MYLK: variants seen among roughly 807,000 people sequenced by gnomAD.
The protein encoded by MYLK is myosin light chain kinase, smooth muscle.
Under a neutral mutation model 203.4 loss-of-function variants are expected in MYLK, and 106 were observed. That is an observed-to-expected ratio of 0.52 (90% CI 0.45 to 0.61). The LOEUF (loss-of-function observed/expected upper bound fraction) is 0.61. Among genes scored for constraint, MYLK ranks in the 20% least tolerant of loss-of-function variants. The probability of loss-of-function intolerance (pLI) is 0.00; values close to 1 mark genes in which losing one functional copy is unlikely to be tolerated. For missense variants in MYLK, 2,072 were observed against 2,442.3 expected (o/e 0.85, Z 3.20); for synonymous variants, 867 against 959.5 (o/e 0.90, Z 1.78).
rs766866941 is a variant in MYLK, at chr3:123,664,234, C to T, written c.3856G>A (p.Val1286Met). Residue 1286 changes from valine (V) to methionine (M), a missense_variant, in exon 23 of 34, where the codon GTG becomes ATG. Around this residue, in one of 3 missense-constraint regions of MYLK, gnomAD observed 865 missense variants for 1,016.0 expected, o/e 0.85. Coordinates refer to ENST00000360304, the MANE Select transcript of MYLK (RefSeq NM_053025.4). ...KQIQESEHMK[V>M]ENSENGSKLT... ...TTGCTGCCATTCTCGCTGTTCTCCACCTTCATGTGCTCGCTTTCCTGGATC... is the reference window on the plus strand; with the variant it reads ...TTGCTGCCATTCTCGCTGTTCTCCATCTTCATGTGCTCGCTTTCCTGGATC... The T allele has an allele frequency of 2.5e-6, 4 of 1,614,080 alleles. No homozygotes were observed. The highest frequency in any genetic ancestry group is 2.7e-5 in the African/African-American group (2 of 74,922).
chr3:123,872,275 C>T (rs1480196934), intron 2 of MYLK, among the ~76,000 whole-genome samples: 2 of 152,136 alleles, frequency 1.3e-5, no homozygotes, highest in African/African-American at 2.4e-5. Flanking sequence ...TGTTATCTGG[C>T]TATTATGACC....
intron 18 of MYLK, among the ~76,000 whole-genome samples, chr3:123,699,184 G>C (rs2061064724): frequency 6.6e-6 from 1 of 151,956 alleles, no homozygotes; most frequent in Non-Finnish European, 1.5e-5. Context: ...CTCCCACCCA[G>C]ACTTGGGATT....
chr3:123,717,450 T>C (rs374834006), intron 13 of MYLK, among the ~76,000 whole-genome samples: 2 of 152,240 alleles, frequency 1.3e-5, no homozygotes, highest in African/African-American at 4.8e-5. Flanking sequence ...ACCCACATTT[T>C]ATGTCCTTAG....
In MYLK at chr3:123,649,177, C is replaced by G. The variant is rs778398628; in HGVS notation, c.4306G>C (p.Glu1436Gln). 6 of 1,613,002 alleles carry G rather than the reference C, an allele frequency of 3.7e-6. No individual in the cohort carries two copies. Among genetic ancestry groups the G allele is most frequent in the Non-Finnish European group, 5.1e-6 (6 of 1,179,984 alleles). ...CTGCACTCACCATCATCTGACACCT[C>G]CACTTCATCCTTCGGCTCTGGGGGG... The part of the protein sequence containing the change: ...EKPEEPKDEV[E>Q]VSDDDEKEPE... Residue 1436 changes from glutamate to glutamine, a missense_variant, in exon 25 of 34, where the codon GAG (glutamate) becomes CAG (glutamine). Physicochemically the swap from Glu to Gln is conservative, Grantham distance 29. Around this residue, in one of 3 missense-constraint regions of MYLK, gnomAD observed 524 missense variants for 782.4 expected, o/e 0.67. Coordinates refer to ENST00000360304, the MANE Select transcript of MYLK (RefSeq NM_053025.4).
chr3:123,726,333 A>G (rs1446998860), intron 11 of MYLK, among the ~76,000 whole-genome samples: 1 of 152,038 alleles, frequency 6.6e-6, no homozygotes, highest in Non-Finnish European at 1.5e-5. Flanking sequence ...GGTGCTTAGA[A>G]CCTGGGCCTG....
At chr3:123,826,064 A>C in intron 3 of MYLK, among the ~76,000 whole-genome samples, 1 of 149,728 alleles carries the variant, frequency 6.7e-6, no homozygotes, top group Non-Finnish European at 1.5e-5. Context: ...TACCACCCCC[A>C]CCCCCAAAAA....
chr3:123,665,453 T>C (rs961313652), intron 22 of MYLK, among the ~76,000 whole-genome samples: 6 of 152,194 alleles, frequency 3.9e-5, no homozygotes, highest in Non-Finnish European at 8.8e-5. Context: ...CCTACTTTCC[T>C]CCCTGTTAGT....
chr3:123,820,537 C>T (rs759170738), intron 3 of MYLK, among the ~76,000 whole-genome samples: 5 of 152,090 alleles, frequency 3.3e-5, no homozygotes, highest in South Asian at 2.1e-4. Context: ...ATTTTTAGAT[C>T]GAGGATTTGT....
intron 4 of MYLK, 136 bp from the exon 5 acceptor site, chr3:123,752,674 A>G (rs2063238330): frequency 1.0e-6 from 1 of 969,422 alleles, no homozygotes; most frequent in African/African-American, 1.6e-5. Context: ...CATTTTACAG[A>G]TAAGGAAATC....
intron 3 of MYLK, among the ~76,000 whole-genome samples, chr3:123,801,099 A>G (rs2065180443): frequency 1.3e-5 from 2 of 152,280 alleles, no homozygotes; most frequent in Non-Finnish European, 2.9e-5. Context: ...ATGTCTGGCT[A>G]GTAGAAAACA....
At chr3:123,679,210 G>C (rs1284204958) in intron 20 of MYLK, among the ~76,000 whole-genome samples, 1 of 151,910 alleles carries the variant, frequency 6.6e-6, no homozygotes, top group Admixed American at 6.5e-5. Flanking sequence ...GGCAGGCTGA[G>C]GCAGGAGAAT....
chr3:123,707,120 G>A (rs2061489722), intron 16 of MYLK, among the ~76,000 whole-genome samples: 1 of 152,168 alleles, frequency 6.6e-6, no homozygotes, highest in South Asian at 2.1e-4. Flanking sequence ...AGACACTCAA[G>A]CAGCCCCACG....
At chr3:123,810,693 G>A (rs1275615542) in intron 3 of MYLK, among the ~76,000 whole-genome samples, 1 of 152,210 alleles carries the variant, frequency 6.6e-6, no homozygotes, top group South Asian at 2.1e-4. Context: ...AGCACCAGCT[G>A]CATGCAATGC....
At chr3:123,768,020 G>A (rs1210512217) in intron 4 of MYLK, among the ~76,000 whole-genome samples, 2 of 152,158 alleles carry the variant, frequency 1.3e-5, no homozygotes, top group Non-Finnish European at 2.9e-5. Context: ...AATGCTGACC[G>A]AACTCCTGGC....
chr3:123,615,427 T>C (rs1220673001), intron 33 of MYLK, among the ~76,000 whole-genome samples: 1 of 151,692 alleles, frequency 6.6e-6, no homozygotes, highest in Non-Finnish European at 1.5e-5. Flanking sequence ...TCCGCCTCCT[T>C]GGTTCAAGTG....
intron 8 of MYLK, 102 bp downstream of exon 8, chr3:123,737,276 C>T: frequency 6.8e-7 from 1 of 1,462,198 alleles, no homozygotes; most frequent in Non-Finnish European, 9.6e-7. Flanking sequence ...GTGAGTGGGC[C>T]AGGTGTATAC....
chr3:123,848,457 T>C (rs1005706725), intron 2 of MYLK, among the ~76,000 whole-genome samples: 3 of 152,128 alleles, frequency 2.0e-5, no homozygotes, highest in Non-Finnish European at 4.4e-5. Context: ...TTCTCCCTTG[T>C]TCCGTACTAA....
At chr3:123,727,715 G>T (rs2062338434) in intron 11 of MYLK, among the ~76,000 whole-genome samples, 1 of 152,132 alleles carries the variant, frequency 6.6e-6, no homozygotes, top group Admixed American at 6.5e-5. Flanking sequence ...GTGGAAGGAA[G>T]ATTTTCTTTC....
At chr3:123,752,788 C>T (rs1296912749) in intron 4 of MYLK, among the ~76,000 whole-genome samples, 1 of 152,090 alleles carries the variant, frequency 6.6e-6, no homozygotes, top group Non-Finnish European at 1.5e-5. Context: ...CTCTCAAGCC[C>T]GGCTGCATTT....
Sources: allele counts gnomAD v4.1 joint callset (sites outside exome capture counted in the v4.1 genomes callset), GRCh38; gene constraint gnomAD v4.1.1; regional missense constraint gnomAD v4.1.1; transcripts MANE v1.5; gene names NCBI Gene and HGNC (gene_info 2026-07-23, HGNC 2026-07-21).